Variants in ATP2B1 observed in about 807,000 individuals in gnomAD.
ATP2B1 encodes the protein plasma membrane calcium-transporting ATPase 1.
In ATP2B1, 14 loss-of-function variants were observed where a neutral mutation model predicts 124.2. That is an observed-to-expected ratio of 0.11 (90% CI 0.07 to 0.18). The LOEUF (loss-of-function observed/expected upper bound fraction) is 0.18, where lower values mean the gene tolerates loss of function less well. ATP2B1 is among the 10% of genes least tolerant of loss of function. ATP2B1 has a pLI of 1.00. For missense variants in ATP2B1, 763 were observed against 1,466.1 expected, an observed-to-expected ratio of 0.52 and a Z score of 7.83; for synonymous variants, 449 against 492.4, an observed-to-expected ratio of 0.91 and a Z score of 1.17.
In ATP2B1 at chr12:89,590,844, T is replaced by A; in HGVS notation, c.*140A>T. 5 of 899,390 alleles carry A rather than the reference T, an allele frequency of 5.6e-6. No individual in the cohort carries two copies. The highest frequency in any genetic ancestry group is 4.2e-5 in the South Asian group (2 of 47,498). 55.7% of individuals were successfully genotyped at this position (899,390 alleles called of 1,614,324 possible). A position where few individuals can be genotyped will look rare whatever the true frequency, so the allele number is the denominator to read the frequency against. On this transcript the variant is annotated 3_prime_UTR_variant, in exon 21 of 21. Coordinates refer to ENST00000428670, the MANE Select transcript of ATP2B1 (RefSeq NM_001366521.1). ...CTTTGCTTTTTTTTTTTTAAAAAAATAAATCTACATTCGTACAAGTGTGTC... is the reference window on the plus strand; with the variant it reads ...CTTTGCTTTTTTTTTTTTAAAAAAAAAAATCTACATTCGTACAAGTGTGTC...
intron 15 of ATP2B1, among the ~76,000 whole-genome samples, chr12:89,606,080 T>C (rs982366050): frequency 6.6e-4 from 65 of 99,204 alleles, no homozygotes; most frequent in African/African-American, 2.2e-3. Flanking sequence ...ACAGATCAGG[T>C]TGAAACAGCA....
chr12:89,653,276 T>C (rs1057248696), intron 2 of ATP2B1, among the ~76,000 whole-genome samples: 11 of 127,140 alleles, frequency 8.7e-5, no homozygotes, highest in South Asian at 4.9e-4. Flanking sequence ...TCACATAGAA[T>C]TTTTTTCTTT....
chr12:89,596,415 C>A (rs1177776372), intron 20 of ATP2B1, among the ~76,000 whole-genome samples: 1 of 152,028 alleles, frequency 6.6e-6, no homozygotes, highest in African/African-American at 2.4e-5. Flanking sequence ...TCATAACACA[C>A]ATACTGTCAA....
At chr12:89,661,572 A>C (rs1008623003) in intron 1 of ATP2B1, among the ~76,000 whole-genome samples, 1 of 152,240 alleles carries the variant, frequency 6.6e-6, no homozygotes, top group Admixed American at 6.5e-5. Flanking sequence ...ACAATATCCA[A>C]GTTTTAAGGA....
chr12:89,659,833 G>A (rs1886463148), intron 1 of ATP2B1, among the ~76,000 whole-genome samples: 2 of 149,940 alleles, frequency 1.3e-5, no homozygotes, highest in African/African-American at 4.9e-5. Flanking sequence ...TGAGGCAGGA[G>A]AATGGTGTGA....
intron 1 of ATP2B1, among the ~76,000 whole-genome samples, chr12:89,691,242 C>G (rs1425508754): frequency 6.6e-6 from 1 of 152,102 alleles, no homozygotes; most frequent in African/African-American, 2.4e-5. Flanking sequence ...CCAACTGTTA[C>G]ATGCAACATG....
chr12:89,676,206 A>G (rs1337448626), intron 1 of ATP2B1, among the ~76,000 whole-genome samples: 1 of 152,174 alleles, frequency 6.6e-6, no homozygotes, highest in African/African-American at 2.4e-5. Context: ...GTTAAAACCG[A>G]AGGTGTTCAA....
intron 1 of ATP2B1, among the ~76,000 whole-genome samples, chr12:89,697,936 C>A (rs1451444713): frequency 6.6e-6 from 1 of 152,036 alleles, no homozygotes; most frequent in Non-Finnish European, 1.5e-5. Flanking sequence ...AGTGCAGTGG[C>A]ACGATCTCAG....
chr12:89,650,896 C>G (rs1885157968), intron 2 of ATP2B1, among the ~76,000 whole-genome samples: 1 of 151,862 alleles, frequency 6.6e-6, no homozygotes, highest in Admixed American at 6.6e-5. Context: ...TGCAGGAAAA[C>G]AACAAAGATA....
intron 1 of ATP2B1, among the ~76,000 whole-genome samples, chr12:89,681,650 G>A (rs1889367916): frequency 6.6e-6 from 1 of 151,956 alleles, no homozygotes; most frequent in South Asian, 2.1e-4. Flanking sequence ...ATTTTAGTTA[G>A]GATTTCTGCA....
At chr12:89,700,184 A>C (rs1428035212) in intron 1 of ATP2B1, among the ~76,000 whole-genome samples, 1 of 152,030 alleles carries the variant, frequency 6.6e-6, no homozygotes, top group Non-Finnish European at 1.5e-5. Context: ...TTTACCCTAA[A>C]TCCACTGTGC....
intron 20 of ATP2B1, chr12:89,598,805 G>A (rs773599230): frequency 1.1e-4 from 181 of 1,582,982 alleles, no homozygotes; most frequent in Non-Finnish European, 1.5e-4. Context: ...CAAGAGAAAG[G>A]ACCATTCCAT....
rs752025186 is a variant in ATP2B1 at position 89,603,083 on chromosome 12, G to A, written c.3020C>T (p.Ala1007Val). ...GCCTAAAACAATTGTGCAGAAGATG[G>A]CATTGTTAAAGATTCCTTCGAATAC... ...RNVFEGIFNN[A>V]IFCTIVLGTF... The change falls in exon 18 of 21, where the codon GCC becomes GTC. Residue 1007 changes from alanine to valine, a missense_variant. Ala to Val is a moderately conservative substitution (Grantham distance 64, BLOSUM62 0). Around this residue, in one of 7 missense-constraint regions of ATP2B1, gnomAD observed 118 missense variants for 240.3 expected, o/e 0.49. Transcript: ENST00000428670. This position sits in a 1 kb window ranked among gnomAD's most constrained non-coding sequence, Gnocchi z 4.3. 1 of 1,613,792 alleles carries A rather than the reference G, an allele frequency of 6.2e-7. No homozygotes were observed. Among genetic ancestry groups the A allele is most frequent in the Non-Finnish European group, 8.5e-7 (1 of 1,179,912 alleles).
At chr12:89,690,573 CT>C (rs200007363) in intron 1 of ATP2B1, among the ~76,000 whole-genome samples, 1 of 150,926 alleles carries the variant, frequency 6.6e-6, no homozygotes, top group African/African-American at 2.4e-5. Context: ...AACAGTTTTG[CT>C]TTTTTTAAAA....
chr12:89,700,898 A>T (rs539638674), intron 1 of ATP2B1, among the ~76,000 whole-genome samples: 1 of 152,252 alleles, frequency 6.6e-6, no homozygotes, highest in Non-Finnish European at 1.5e-5. Context: ...TCATAGGAAA[A>T]TGAATAATTT....
chr12:89,597,192 G>A (rs1236701410), intron 20 of ATP2B1, among the ~76,000 whole-genome samples: 1 of 152,140 alleles, frequency 6.6e-6, no homozygotes. Flanking sequence ...GCACCAGAGA[G>A]AGAGGCATAG....
At chr12:89,642,803 C>T (rs1041990073) in intron 2 of ATP2B1, among the ~76,000 whole-genome samples, 1 of 151,312 alleles carries the variant, frequency 6.6e-6, no homozygotes, top group Non-Finnish European at 1.5e-5. Context: ...CAGGGTTTCA[C>T]CATGTTGGTC....
chr12:89,694,567 T>C (rs914131966), intron 1 of ATP2B1, among the ~76,000 whole-genome samples: 3 of 152,132 alleles, frequency 2.0e-5, no homozygotes, highest in Non-Finnish European at 4.4e-5. Flanking sequence ...TTCCCACTTG[T>C]GGAAACATTT....
At position 89,671,005 on chromosome 12, in the gene ATP2B1, T is replaced by A. The variant is rs192585409; in HGVS notation, c.-221-14898A>T. ...TCAGACCTCATCAACTGACTTGGAA[T>A]AGGAACTGCTAGGATCATCTGAAAG... On this transcript the variant is annotated intron_variant, in intron 1 of 20. Transcript: ENST00000428670. 2.0e-5 allele frequency among the ~76,000 whole-genome samples: 3 copies of A among 147,718 alleles called. No homozygotes were observed. In the East Asian group the frequency reaches 6.0e-4, roughly 29 times the overall value.
Sources: gnomAD v4.1 joint callset for allele counts (sites outside exome capture counted in the v4.1 genomes callset) on GRCh38, gnomAD v4.1.1 for gene constraint, gnomAD v4.1.1 regional missense constraint, Gnocchi (gnomAD v3.1) non-coding constraint, MANE v1.5 for transcripts, NCBI Gene and HGNC (gene_info 2026-07-23, HGNC 2026-07-21) for gene names.